The following NAF1 variants were observed in gnomAD, a reference collection of about 807,000 sequenced individuals.
The protein encoded by NAF1 is H/ACA ribonucleoprotein complex non-core subunit NAF1.
NAF1 carries 11 observed loss-of-function variants against 40.6 expected under a neutral mutation model. That is an observed-to-expected ratio of 0.27 (90% CI 0.17 to 0.45). The LOEUF is 0.45. Ranked by LOEUF, NAF1 falls within the 20% of genes least tolerant of loss-of-function variation. NAF1 has a pLI of 1.00. For missense variants in NAF1, 607 were observed against 611.1 expected (o/e 0.99, Z 0.07); for synonymous variants, 260 against 228.5 (o/e 1.14, Z -1.24).
At chr4:163,156,477 A>G (rs1160192104) in intron 2 of NAF1, among the ~76,000 whole-genome samples, 2 of 151,670 alleles carry the variant, frequency 1.3e-5, no homozygotes, top group African/African-American at 4.8e-5. Context: ...TTTACTCAAT[A>G]TTAGATACAA....
intron 2 of NAF1, among the ~76,000 whole-genome samples, chr4:163,117,771 G>T (rs1253529580): frequency 6.6e-6 from 1 of 150,698 alleles, no homozygotes; most frequent in African/African-American, 2.4e-5. Flanking sequence ...CAGCACTCTG[G>T]TATGTTTATG....
chr4:163,123,158 A>C (rs2110845298), downstream of NAF1, among the ~76,000 whole-genome samples: 1 of 152,300 alleles, frequency 6.6e-6, no homozygotes, highest in Non-Finnish European at 1.5e-5. Flanking sequence ...GGGAAGGTGA[A>C]GTGGGAGCAG....
intron 3 of NAF1, among the ~76,000 whole-genome samples, chr4:163,147,394 C>G (rs1185173829): frequency 6.6e-6 from 1 of 152,088 alleles, no homozygotes; most frequent in African/African-American, 2.4e-5. Context: ...TTCCAAAATC[C>G]TATTACTTTG....
intron 7 of NAF1, among the ~76,000 whole-genome samples, chr4:163,129,667 G>C (rs998338498): frequency 6.6e-6 from 1 of 152,166 alleles, no homozygotes; most frequent in East Asian, 1.9e-4. Context: ...TTGACAGGCA[G>C]TAATGAGGTA....
chr4:163,140,430 T>G, intron 4 of NAF1, 47 bp from the exon 5 acceptor site: 1 of 1,503,214 alleles, frequency 6.7e-7, no homozygotes, highest in Non-Finnish European at 9.0e-7. Flanking sequence ...AAATAACTAT[T>G]TGAAAAGTCA....
chr4:163,160,899 C>A (rs1288757069), intron 2 of NAF1, among the ~76,000 whole-genome samples: 1 of 151,834 alleles, frequency 6.6e-6, no homozygotes, highest in African/African-American at 2.4e-5. Context: ...TACACAACCT[C>A]TGCTGCCTAA....
downstream of NAF1, among the ~76,000 whole-genome samples, chr4:163,122,058 T>A (rs1730532643): frequency 6.6e-6 from 1 of 152,158 alleles, no homozygotes; most frequent in African/African-American, 2.4e-5. Flanking sequence ...CAAATCCAAA[T>A]GCCAAACATT....
At chr4:163,119,141 A>C (rs1730441074) in intron 2 of NAF1, among the ~76,000 whole-genome samples, 1 of 152,074 alleles carries the variant, frequency 6.6e-6, no homozygotes, top group African/African-American at 2.4e-5. Flanking sequence ...GATTTTCTAC[A>C]TTCCATTTGT....
intron 2 of NAF1, among the ~76,000 whole-genome samples, chr4:163,155,943 T>G (rs1731968477): frequency 7.2e-6 from 1 of 138,032 alleles, no homozygotes; most frequent in African/African-American, 2.7e-5. Flanking sequence ...AAGGTAGAGG[T>G]GATAGGAAAG....
At chr4:163,110,570 T>C (rs1201272618) in intron 2 of NAF1, among the ~76,000 whole-genome samples, 1 of 152,136 alleles carries the variant, frequency 6.6e-6, no homozygotes, top group East Asian at 1.9e-4. Flanking sequence ...TCATCTTAAC[T>C]TTGAAAGTTA....
intron 7 of NAF1, among the ~76,000 whole-genome samples, chr4:163,129,619 A>G (rs983993407): frequency 2.6e-5 from 4 of 152,108 alleles, no homozygotes; most frequent in Admixed American, 1.3e-4. Flanking sequence ...ATCCCTACAC[A>G]CTCTCAAAGG....
chr4:163,145,918 T>G, intron 3 of NAF1, 54 bp from the exon 4 acceptor site: 5 of 929,340 alleles, frequency 5.4e-6, no homozygotes, highest in Non-Finnish European at 8.1e-6. Flanking sequence ...ATGTAGAATT[T>G]TAATGAAAAT....
downstream of NAF1, among the ~76,000 whole-genome samples, chr4:163,107,169 T>C (rs908757911): frequency 3.9e-5 from 6 of 152,190 alleles, no homozygotes; most frequent in Admixed American, 6.5e-5. Context: ...GTACTTTTAG[T>C]ACAGGCGGGG....
chr4:163,111,730 T>C (rs1259695653), intron 2 of NAF1, among the ~76,000 whole-genome samples: 1 of 152,104 alleles, frequency 6.6e-6, no homozygotes, highest in Admixed American at 6.6e-5. Flanking sequence ...ACTGAGAAAG[T>C]AGAGCCACCG....
downstream of NAF1, among the ~76,000 whole-genome samples, chr4:163,106,831 G>A (rs974746020): frequency 1.1e-4 from 17 of 152,098 alleles, no homozygotes; most frequent in Admixed American, 8.5e-4. Flanking sequence ...TTTATCAGTG[G>A]CAAATTAGGC....
chr4:163,112,769 A>G (rs1300339358), intron 2 of NAF1, among the ~76,000 whole-genome samples: 1 of 152,252 alleles, frequency 6.6e-6, no homozygotes, highest in Admixed American at 6.5e-5. Flanking sequence ...CCATTTTCTC[A>G]GTACAAAGAG....
At chr4:163,126,842 C>T, downstream of NAF1, 1 of 1,276,764 alleles carries the variant, frequency 7.8e-7, no homozygotes, top group South Asian at 1.7e-5. Context: ...TAGTCAGCGG[C>T]CAACAGCACT....
rs760162501 is a variant in NAF1, at chr4:163,129,133, G to C, written c.1249C>G (p.Pro417Ala). The change falls in exon 8 of 8, where the codon CCC (proline) becomes GCC (alanine). Residue 417 changes from proline to alanine, a missense_variant. By Grantham distance (27) the Pro-to-Ala change is conservative (BLOSUM62 -1). Around this residue, in one of 3 missense-constraint regions of NAF1, gnomAD observed 189 missense variants for 216.6 expected, o/e 0.87. Coordinates refer to ENST00000274054, the MANE Select transcript of NAF1 (RefSeq NM_138386.3). Reference protein sequence around the residue: ...SGFPSQRQNNPIMPQYPFPLP... With the variant: ...SGFPSQRQNNAIMPQYPFPLP... Reference sequence around the variant, plus strand: ...GGAAAGGGGTATTGTGGCATAATGGGATTATTTTGTCTCTGAGAAGGAAAT... The same window carrying C: ...GGAAAGGGGTATTGTGGCATAATGGCATTATTTTGTCTCTGAGAAGGAAAT... The C allele has an allele frequency of 1.2e-6, 2 of 1,613,712 alleles. No individual in the cohort carries two copies. The highest frequency in any genetic ancestry group is 1.7e-6 in the Non-Finnish European group (2 of 1,179,778).
rs777215313 is a variant in NAF1, at chr4:163,140,234, T to C, written c.867A>G (p.Glu289=). ...GGTAAAGTACTTACTGTTTTAGTTTTTCTGTGAATATATATTGAGTGAAAT... is the reference window on the plus strand; with the variant it reads ...GGTAAAGTACTTACTGTTTTAGTTTCTCTGTGAATATATATTGAGTGAAAT... ...MKDFTQYIFT[E]KLKQDKGSDA... is the part of the protein sequence containing the mutation. Residue 289 remains glutamate (E), a synonymous_variant, in exon 5 of 8, where the codon GAA becomes GAG. Coordinates refer to ENST00000274054, the MANE Select transcript of NAF1 (RefSeq NM_138386.3). 1.6e-5 allele frequency: 26 copies of C among 1,591,050 alleles called. No individual in the cohort carries two copies. In the South Asian group the frequency reaches 3.0e-4, roughly 19 times the overall value.
Sources: gnomAD v4.1 joint callset for allele counts (sites outside exome capture counted in the v4.1 genomes callset) on GRCh38, gnomAD v4.1.1 for gene constraint, gnomAD v4.1.1 regional missense constraint, MANE v1.5 for transcripts, NCBI Gene and HGNC (gene_info 2026-07-23, HGNC 2026-07-21) for gene names.